EPYC: variants seen among roughly 807,000 people sequenced by gnomAD.
EPYC encodes the protein epiphycan, also known as dermatan sulfate proteoglycan 3.
Under a neutral mutation model 30.1 loss-of-function variants are expected in EPYC, and 28 were observed. The ratio of observed to expected loss-of-function variants is 0.93; its 90% confidence interval spans 0.69 to 1.28. EPYC has a LOEUF of 1.28. Among genes scored for constraint, EPYC ranks in the 50% most tolerant of loss-of-function variants. The probability of loss-of-function intolerance (pLI) is 0.00; values close to 1 mark genes in which losing one functional copy is unlikely to be tolerated. For synonymous variants in EPYC, 144 were observed against 141.4 expected, an observed-to-expected ratio of 1.02 and a Z score of -0.13; for missense variants, 382 against 383.5, an observed-to-expected ratio of 1.00 and a Z score of 0.03.
chr12:90,983,933 C>T (rs944904010), intron 2 of EPYC, among the ~76,000 whole-genome samples: 1 of 152,114 alleles, frequency 6.6e-6, no homozygotes, highest in African/African-American at 2.4e-5. Flanking sequence ...TAGGATCCCT[C>T]CTCAGACAAG....
chr12:90,987,994 G>A (rs1010674323), intron 2 of EPYC, among the ~76,000 whole-genome samples: 1 of 152,094 alleles, frequency 6.6e-6, no homozygotes, highest in African/African-American at 2.4e-5. Flanking sequence ...TCCTTTGCCT[G>A]TATGTGCAAA....
chr12:90,999,344 G>A (rs1877768502), intron 2 of EPYC, among the ~76,000 whole-genome samples: 1 of 152,006 alleles, frequency 6.6e-6, no homozygotes, highest in African/African-American at 2.4e-5. Context: ...AAAATGCCAA[G>A]TCTTATAACT....
chr12:91,004,890 G>T (rs1877916943), intron 1 of EPYC, 57 bp downstream of exon 1: 1 of 152,038 alleles, frequency 6.6e-6, no homozygotes, highest in Non-Finnish European at 1.5e-5. Context: ...TTTTTTAAAG[G>T]TTGTTATAGT....
chr12:90,973,821 A>G (rs1877112252), intron 3 of EPYC, among the ~76,000 whole-genome samples: 1 of 152,048 alleles, frequency 6.6e-6, no homozygotes, highest in Non-Finnish European at 1.5e-5. Flanking sequence ...TCCCATAAGG[A>G]TGGGCAGAGG....
chr12:90,978,207 G>A lies in EPYC; in HGVS notation c.221C>T (p.Pro74Leu). The A allele has an allele frequency of 6.2e-7, 1 of 1,605,620 alleles. No individual in the cohort carries two copies. The highest frequency in any genetic ancestry group is 1.7e-4 in the Middle Eastern group (1 of 5,854). ...SGNRELLTPP[P>L]QPEKAQEEEE... Reference sequence around the variant, plus strand: ...CTCTTCCTGGGCCTTCTCAGGCTGTGGGGGTGGAGTGAGGAGCTCTCTGTT... The same window carrying A: ...CTCTTCCTGGGCCTTCTCAGGCTGTAGGGGTGGAGTGAGGAGCTCTCTGTT... Residue 74 changes from proline to leucine, a missense_variant, in exon 3 of 7, where the codon CCA (proline) becomes CTA (leucine). Coordinates refer to ENST00000261172, the MANE Select transcript of EPYC (RefSeq NM_004950.5).
chr12:90,990,675 T>C (rs184988277), intron 2 of EPYC, among the ~76,000 whole-genome samples: 3 of 152,212 alleles, frequency 2.0e-5, no homozygotes, highest in African/African-American at 7.2e-5. Flanking sequence ...TTGATGACCA[T>C]AGAACAAGTA....
At chr12:90,970,164 C>A in intron 5 of EPYC, 25 bp from the exon 6 acceptor site, 5 of 1,534,242 alleles carry the variant, frequency 3.3e-6, no homozygotes, top group Non-Finnish European at 4.5e-6. Flanking sequence ...AATGTGGGAA[C>A]TCAATAAAAA....
chr12:90,996,055 C>A (rs943871850), intron 2 of EPYC, among the ~76,000 whole-genome samples: 52 of 151,628 alleles, frequency 3.4e-4, no homozygotes, highest in African/African-American at 1.2e-3. Context: ...TATAAATTGG[C>A]CAAAGTAGGA....
rs1309336762 is a variant in EPYC at position 90,971,985 on chromosome 12, CA to C, written c.516del (p.Ile172MetfsTer3). The C allele has an allele frequency of 1.3e-6, 2 of 1,583,478 alleles. No individual in the cohort carries two copies. Among genetic ancestry groups the C allele is most frequent in the Non-Finnish European group, 1.7e-6 (2 of 1,162,720 alleles). On this transcript the variant is annotated frameshift_variant, in exon 5 of 7. Transcript: ENST00000261172. LOFTEE classifies it high-confidence loss of function. Reference sequence around the variant, plus strand: ...TCAGATATTAAATTTGATGTCAGATCAATCCTTTTTAAATCACCTAGCAGAA... The same window carrying C: ...TCAGATATTAAATTTGATGTCAGATCATCCTTTTTAAATCACCTAGCAGAA... ...DFASLSDLKR[I>X]DLTSNLISEI...
At chr12:90,981,148 T>A (rs1877315633) in intron 2 of EPYC, among the ~76,000 whole-genome samples, 1 of 152,142 alleles carries the variant, frequency 6.6e-6, no homozygotes. Context: ...TAGCTCACAG[T>A]GGCCTAGGCT....
At chr12:90,968,976 A>G (rs1211837776) in intron 6 of EPYC, among the ~76,000 whole-genome samples, 3 of 151,596 alleles carry the variant, frequency 2.0e-5, no homozygotes, top group Admixed American at 6.6e-5. Context: ...CAAAAGAGAC[A>G]GATATCCAAG....
In EPYC at chr12:90,978,214, G is replaced by C. The variant is rs537662220; in HGVS notation, c.214C>G (p.Pro72Ala). Residue 72 changes from proline (P) to alanine (A), a missense_variant, in exon 3 of 7, where the codon CCA becomes GCA. Physicochemically the swap from Pro to Ala is conservative, Grantham distance 27. Coordinates refer to ENST00000261172, the MANE Select transcript of EPYC (RefSeq NM_004950.5). ...TGGGCCTTCTCAGGCTGTGGGGGTG[G>C]AGTGAGGAGCTCTCTGTTCCCTGAA... The part of the protein sequence containing the change: ...MPSGNRELLT[P>A]PPQPEKAQEE... 16 of 1,604,308 alleles carry C rather than the reference G, an allele frequency of 1.0e-5. 2 individuals are homozygous for C. The South Asian group carries it at 1.8e-4, about 18-fold the overall frequency.
rs149088388 is a variant in EPYC, at chr12:90,988,088, A to G, written c.166-9826T>C. Among the ~76,000 whole-genome samples the G allele has an allele frequency of 7.2e-5, 11 of 152,284 alleles. No homozygotes were observed. The East Asian group carries it at 2.1e-3, about 29-fold the overall frequency. ...CACTGAGATCCTTATTGATTCATTG[A>G]TATTTATGAGGATACCATTGTTCCT... On this transcript the variant is annotated intron_variant, in intron 2 of 6. Coordinates refer to ENST00000261172, the MANE Select transcript of EPYC (RefSeq NM_004950.5).
intron 2 of EPYC, among the ~76,000 whole-genome samples, chr12:90,987,199 A>C (rs939635580): frequency 6.6e-6 from 1 of 152,150 alleles, no homozygotes; most frequent in Non-Finnish European, 1.5e-5. Flanking sequence ...TAAGGTCAGC[A>C]TAACCATAAA....
chr12:91,001,230 CAA>C (rs1300727104), intron 2 of EPYC, among the ~76,000 whole-genome samples: 2 of 151,890 alleles, frequency 1.3e-5, no homozygotes, highest in East Asian at 3.9e-4. Flanking sequence ...GCAACATAAA[CAA>C]TATTGAAAAA....
chr12:90,966,763 G>A (rs937734864), intron 6 of EPYC, among the ~76,000 whole-genome samples: 5 of 152,064 alleles, frequency 3.3e-5, no homozygotes, highest in Admixed American at 1.3e-4. Context: ...ATCCATGTGG[G>A]AGTGGGTTGT....
At chr12:90,976,045 A>T (rs1485882738) in intron 3 of EPYC, among the ~76,000 whole-genome samples, 2 of 152,150 alleles carry the variant, frequency 1.3e-5, no homozygotes, top group Non-Finnish European at 2.9e-5. Context: ...TCAAAAAGTT[A>T]ATGTAGATAA....
At chr12:90,984,001 C>T (rs1877386497) in intron 2 of EPYC, among the ~76,000 whole-genome samples, 1 of 151,780 alleles carries the variant, frequency 6.6e-6, no homozygotes, top group Non-Finnish European at 1.5e-5. Context: ...GAAATGATAT[C>T]CTTCCTATTC....
chr12:91,003,559 C>G (rs908109229), intron 1 of EPYC, among the ~76,000 whole-genome samples: 17 of 151,802 alleles, frequency 1.1e-4, no homozygotes, highest in Non-Finnish European at 2.1e-4. Context: ...TCTGTATGTA[C>G]TCATTTGAAT....
Sources: allele counts gnomAD v4.1 joint callset (sites outside exome capture counted in the v4.1 genomes callset), GRCh38; gene constraint gnomAD v4.1.1; transcripts MANE v1.5; gene names NCBI Gene and HGNC (gene_info 2026-07-23, HGNC 2026-07-21).